Variants in EFCAB6 observed in about 807,000 individuals in gnomAD.
The protein encoded by EFCAB6 is EF-hand calcium binding domain 6.
EFCAB6 carries 156 observed loss-of-function variants against 169.8 expected under a neutral mutation model. The ratio of observed to expected loss-of-function variants is 0.92; its 90% CI spans 0.81 to 1.05. The LOEUF (loss-of-function observed/expected upper bound fraction) is 1.05, where lower values mean the gene tolerates loss of function less well. Among genes scored for constraint, EFCAB6 ranks in the 50% least tolerant of loss-of-function variants. The pLI, the probability that EFCAB6 is intolerant of heterozygous loss-of-function variation, is 0.00. For synonymous variants in EFCAB6, 698 were observed against 676.4 expected (o/e 1.03, Z -0.50); for missense variants, 1,800 against 1,829.1 (o/e 0.98, Z 0.29).
chr22:43,607,158 T>C (rs2052983622), intron 22 of EFCAB6, among the ~76,000 whole-genome samples: 1 of 152,200 alleles, frequency 6.6e-6, no homozygotes, highest in African/African-American at 2.4e-5. Context: ...CTACCCTTCC[T>C]TTCTGACCCT....
chr22:43,598,470 A>G (rs2052230049), intron 23 of EFCAB6, among the ~76,000 whole-genome samples: 1 of 152,078 alleles, frequency 6.6e-6, no homozygotes, highest in African/African-American at 2.4e-5. Flanking sequence ...ATGCAATTTA[A>G]TAGAAGGAAT....
At chr22:43,645,232 T>C (rs565359468) in intron 17 of EFCAB6, among the ~76,000 whole-genome samples, 20 of 152,366 alleles carry the variant, frequency 1.3e-4, no homozygotes, top group African/African-American at 4.6e-4. Flanking sequence ...GCCTTTGTAG[T>C]TCTGGTATTC....
chr22:43,565,496 T>C (rs2049364998), intron 26 of EFCAB6, among the ~76,000 whole-genome samples: 1 of 152,330 alleles, frequency 6.6e-6, no homozygotes, highest in Middle Eastern at 3.4e-3. Context: ...GGCATCAGTG[T>C]TCCACGAAAT....
intron 21 of EFCAB6, 125 bp downstream of exon 21, chr22:43,615,701 C>G (rs575347069): frequency 1.4e-6 from 1 of 700,236 alleles, no homozygotes; most frequent in East Asian, 2.8e-5. Flanking sequence ...CAGGAGTCCT[C>G]ACACTGGGTA....
chr22:43,725,406 G>T (rs532241940), intron 8 of EFCAB6, among the ~76,000 whole-genome samples: 43 of 152,298 alleles, frequency 2.8e-4, no homozygotes, highest in Non-Finnish European at 5.3e-4. Context: ...CTCCCAAAGT[G>T]CTGGGATTAC....
chr22:43,714,338 G>A (rs2059257292), intron 9 of EFCAB6, among the ~76,000 whole-genome samples: 2 of 151,998 alleles, frequency 1.3e-5, no homozygotes, highest in East Asian at 1.9e-4. Flanking sequence ...AGGAAGGAAG[G>A]ATAGAAGGAG....
At chr22:43,645,341 GA>G (rs550180057) in intron 17 of EFCAB6, among the ~76,000 whole-genome samples, 3 of 152,094 alleles carry the variant, frequency 2.0e-5, no homozygotes, top group Non-Finnish European at 4.4e-5. Context: ...CTAGAAAGAG[GA>G]AAAAAAGTAC....
At chr22:43,598,376 G>A (rs1414288003) in intron 23 of EFCAB6, among the ~76,000 whole-genome samples, 2 of 149,826 alleles carry the variant, frequency 1.3e-5, no homozygotes, top group Admixed American at 1.3e-4. Flanking sequence ...ATTACCAGAG[G>A]CTAATTTACC....
intron 17 of EFCAB6, among the ~76,000 whole-genome samples, chr22:43,638,327 C>G (rs2055565470): frequency 6.6e-6 from 1 of 152,180 alleles, no homozygotes; most frequent in Non-Finnish European, 1.5e-5. Context: ...AAGTCATTTC[C>G]TTTGGTCTTT....
At chr22:43,539,421 A>G (rs2047564093) in intron 28 of EFCAB6, among the ~76,000 whole-genome samples, 1 of 152,230 alleles carries the variant, frequency 6.6e-6, no homozygotes, top group South Asian at 2.1e-4. Context: ...CCCAGCACAC[A>G]GTAGGTGTGC....
intron 22 of EFCAB6, 137 bp from the exon 23 acceptor site, chr22:43,600,400 GC>G: frequency 1.1e-6 from 1 of 892,326 alleles, no homozygotes; most frequent in Non-Finnish European, 1.7e-6. Context: ...TGCCCTGTGG[GC>G]CAGCGGAATC....
chr22:43,614,526 C>T (rs753759494), intron 21 of EFCAB6, among the ~76,000 whole-genome samples: 3 of 152,162 alleles, frequency 2.0e-5, no homozygotes, highest in East Asian at 1.9e-4. Context: ...ATGAAACTCT[C>T]GTAAGACGGC....
intron 8 of EFCAB6, among the ~76,000 whole-genome samples, chr22:43,724,865 G>T (rs1046391159): frequency 1.3e-5 from 2 of 152,262 alleles, no homozygotes; most frequent in African/African-American, 4.8e-5. Flanking sequence ...TAGTTCCAAA[G>T]TTGCTTCCAC....
At chr22:43,550,491 G>A (rs1437090052) in intron 27 of EFCAB6, among the ~76,000 whole-genome samples, 3 of 152,046 alleles carry the variant, frequency 2.0e-5, no homozygotes, top group African/African-American at 7.2e-5. Context: ...AACCAATATG[G>A]TGAAACCCTG....
At chr22:43,767,443 T>C (rs2061352709) in intron 4 of EFCAB6, among the ~76,000 whole-genome samples, 1 of 152,202 alleles carries the variant, frequency 6.6e-6, no homozygotes, top group African/African-American at 2.4e-5. Context: ...AGATTAAACA[T>C]GTAGTTCAAG....
At chr22:43,606,970 CT>C (rs2052964931) in intron 22 of EFCAB6, among the ~76,000 whole-genome samples, 1 of 152,088 alleles carries the variant, frequency 6.6e-6, no homozygotes, top group African/African-American at 2.4e-5. Context: ...GGTTCGTCCT[CT>C]CCCCCCGGTG....
chr22:43,801,370 A>AG (rs759870798), intron 2 of EFCAB6, among the ~76,000 whole-genome samples: 40 of 152,334 alleles, frequency 2.6e-4, no homozygotes, highest in Non-Finnish European at 5.3e-4. Flanking sequence ...ACTAACATTC[A>AG]GAAAAAAAAC....
chr22:43,727,771 A>G (rs2059791879), intron 8 of EFCAB6, among the ~76,000 whole-genome samples: 1 of 152,162 alleles, frequency 6.6e-6, no homozygotes. Context: ...CTATCAAGGA[A>G]TACCTGAGAC....
intron 20 of EFCAB6, among the ~76,000 whole-genome samples, chr22:43,624,627 C>T (rs953350003): frequency 6.6e-6 from 1 of 152,210 alleles, no homozygotes; most frequent in Non-Finnish European, 1.5e-5. Flanking sequence ...CCAGCTCAAA[C>T]GTCCCTCCTT....
Sources: allele counts gnomAD v4.1 joint callset (sites outside exome capture counted in the v4.1 genomes callset), GRCh38; gene constraint gnomAD v4.1.1; transcripts MANE v1.5; gene names NCBI Gene and HGNC (gene_info 2026-07-23, HGNC 2026-07-21).